NTPCR: variants seen among roughly 807,000 people sequenced by gnomAD.
The protein encoded by NTPCR is nucleoside-triphosphatase, cancer-related.
Under a neutral mutation model 19.5 loss-of-function variants are expected in NTPCR, and 15 were observed. The observed-to-expected ratio is 0.77, with a 90% CI of 0.51 to 1.18. The LOEUF (loss-of-function observed/expected upper bound fraction) is 1.18, where lower values mean the gene tolerates loss of function less well. Among genes scored for constraint, NTPCR ranks in the 50% most tolerant of loss-of-function variants. The pLI, the probability that NTPCR is intolerant of heterozygous loss-of-function variation, is 0.00. For synonymous variants in NTPCR, 90 were observed against 95.8 expected (o/e 0.94, Z 0.36); for missense variants, 206 against 240.4 (o/e 0.86, Z 0.95).
At position 232,980,540 on chromosome 1, in the gene NTPCR, G is replaced by C. The variant is rs1669255506; in HGVS notation, c.*2309G>C. On this transcript the variant is annotated 3_prime_UTR_variant, in exon 5 of 5. Transcript: ENST00000366628. ...GAACGTTTAGTGTCTCTTGTGGTGA[G>C]GTCCTGAAATGATTGTTGTATTAGT... 1 of 152,182 alleles carries C rather than the reference G, an allele frequency of 6.6e-6. No individual in the cohort carries two copies. The highest frequency in any genetic ancestry group is 1.9e-4 in the East Asian group (1 of 5,190). 9.4% of individuals were successfully genotyped at this position (152,182 alleles called of 1,614,324 possible). A position where few individuals can be genotyped will look rare whatever the true frequency, so the allele number is the denominator to read the frequency against.
At position 232,981,471 on chromosome 1, in the gene NTPCR, C is replaced by T. The variant is rs1367679252; in HGVS notation, c.*3240C>T. ...TGTAGCATAGTGACTTGGGACAAAA[C>T]AGCATGGTAGATGAGGCTGGAGACG... On this transcript the variant is annotated 3_prime_UTR_variant, in exon 5 of 5. Transcript: ENST00000366628. The T allele has an allele frequency of 6.6e-6, 1 of 152,238 alleles. No individual in the cohort carries two copies. The highest frequency in any genetic ancestry group is 2.4e-5 in the African/African-American group (1 of 41,448). 9.4% of individuals were successfully genotyped at this position (152,238 alleles called of 1,614,324 possible).
At chr1:232,955,081 G>A (rs1668474668) in intron 1 of NTPCR, among the ~76,000 whole-genome samples, 1 of 152,148 alleles carries the variant, frequency 6.6e-6, no homozygotes, top group Non-Finnish European at 1.5e-5. Context: ...AGTCAAAGGA[G>A]GAACAAAGTG....
At chr1:232,968,302 A>G (rs1668878224) in intron 3 of NTPCR, 1 of 152,248 alleles carries the variant, frequency 6.6e-6, no homozygotes, top group Non-Finnish European at 1.5e-5. Flanking sequence ...TAGCTAATAA[A>G]ATGAATGGAA....
chr1:232,975,637 G>A (rs1446816356), intron 4 of NTPCR, among the ~76,000 whole-genome samples: 1 of 152,158 alleles, frequency 6.6e-6, no homozygotes, highest in African/African-American at 2.4e-5. Context: ...CTGACCCCAT[G>A]GTGCTCACAG....
chr1:232,971,713 T>C (rs902270668), intron 4 of NTPCR, among the ~76,000 whole-genome samples: 2 of 152,154 alleles, frequency 1.3e-5, no homozygotes, highest in Non-Finnish European at 2.9e-5. Flanking sequence ...CAATTTCAGA[T>C]ACTGATAAAG....
chr1:232,974,890 G>A (rs1669084039), intron 4 of NTPCR, among the ~76,000 whole-genome samples: 1 of 152,192 alleles, frequency 6.6e-6, no homozygotes, highest in Admixed American at 6.5e-5. Flanking sequence ...TGGGGGTTAA[G>A]TTTCCAACAC....
chr1:232,956,261 G>T lies in NTPCR; in HGVS notation c.198-86G>T. The T allele has an allele frequency of 9.2e-6, 8 of 870,664 alleles. No individual in the cohort carries two copies. In the South Asian group the frequency reaches 1.1e-4, roughly 12 times the overall value. The allele number at this position is 870,664 out of a possible 1,614,324, so 53.9% of individuals were successfully genotyped here. On this transcript the variant is annotated intron_variant, in intron 2 of 4. Coordinates refer to ENST00000366628, the MANE Select transcript of NTPCR (RefSeq NM_032324.3). ...TTTTAAGGATGATTTAGCATATGTG[G>T]AATGCCAGAGGCTCAGTGGAGCAGC...
intron 3 of NTPCR, chr1:232,967,925 GT>G (rs1420565536): frequency 1.3e-5 from 2 of 152,166 alleles, no homozygotes; most frequent in Non-Finnish European, 2.9e-5. Context: ...ACAGTTGTCT[GT>G]TTTTATTATC....
In NTPCR at chr1:232,964,769, G is replaced by A. The variant is rs541303397; in HGVS notation, c.295-5140G>A. On this transcript the variant is annotated intron_variant, in intron 3 of 4. Transcript: ENST00000366628. ...AAAAGCCATCACCATTTTATTATAG[G>A]AAAAACAATCAGTTCTTTCTCCTCA... The A allele has an allele frequency of 2.6e-5, 4 of 152,182 alleles. No homozygotes were observed. The East Asian group carries it at 7.7e-4, about 29-fold the overall frequency. The allele number at this position is 152,182 out of a possible 1,614,324, so 9.4% of individuals were successfully genotyped here. A position where few individuals can be genotyped will look rare whatever the true frequency, so the allele number is the denominator to read the frequency against.
intron 3 of NTPCR, chr1:232,967,368 T>A (rs1668850381): frequency 6.6e-6 from 1 of 152,222 alleles, no homozygotes; most frequent in African/African-American, 2.4e-5. Flanking sequence ...TAATTAAAAA[T>A]CACAGATTTA....
Position 232,980,880 on chromosome 1 carries a change from T to A in NTPCR, c.*2649T>A, listed in dbSNP as rs1313019257. 3 of 152,220 alleles carry A rather than the reference T, an allele frequency of 2.0e-5. No individual in the cohort carries two copies. The highest frequency in any genetic ancestry group is 4.4e-5 in the Non-Finnish European group (3 of 68,072). The allele number at this position is 152,220 out of a possible 1,614,324, so 9.4% of individuals were successfully genotyped here. On this transcript the variant is annotated 3_prime_UTR_variant, in exon 5 of 5. Transcript: ENST00000366628. ...GGTGGGGTGGGGGCAGCAGGGCAGATTGAAGTCAGGGATTCTCTTATACCT... is the reference window on the plus strand; with the variant it reads ...GGTGGGGTGGGGGCAGCAGGGCAGAATGAAGTCAGGGATTCTCTTATACCT...
At chr1:232,975,799 C>A (rs1571969876) in intron 4 of NTPCR, among the ~76,000 whole-genome samples, 1 of 152,190 alleles carries the variant, frequency 6.6e-6, no homozygotes, top group Non-Finnish European at 1.5e-5. Context: ...TTTCTTCTTT[C>A]TGCAGTCTTC....
In NTPCR at chr1:232,983,874, A is replaced by G. The variant is rs1047013233; in HGVS notation, c.*5643A>G. Reference sequence around the variant, plus strand: ...GGTAACAGTAATGTATAAAGTGCCGATGATGTAACATGCAGTTGTCTTATT... The same window carrying G: ...GGTAACAGTAATGTATAAAGTGCCGGTGATGTAACATGCAGTTGTCTTATT... On this transcript the variant is annotated 3_prime_UTR_variant, in exon 5 of 5. Transcript: ENST00000366628. 1.3e-5 allele frequency: 2 copies of G among 155,008 alleles called. No individual in the cohort carries two copies. The highest frequency in any genetic ancestry group is 4.8e-5 in the African/African-American group (2 of 41,582). 9.6% of individuals were successfully genotyped at this position (155,008 alleles called of 1,614,324 possible).
intron 3 of NTPCR, among the ~76,000 whole-genome samples, chr1:232,961,254 T>C (rs888822722): frequency 1.3e-5 from 2 of 152,232 alleles, no homozygotes; most frequent in Non-Finnish European, 2.9e-5. Context: ...TGAATCTTTT[T>C]CTCTAGCCAT....
intron 4 of NTPCR, chr1:232,976,377 C>A (rs1304667623): frequency 9.0e-6 from 14 of 1,549,344 alleles, no homozygotes; most frequent in Non-Finnish European, 1.2e-5. Context: ...AGAGCAAATT[C>A]TCCAGCTGTG....
chr1:232,966,748 A>G (rs1668829153), intron 3 of NTPCR: 1 of 152,214 alleles, frequency 6.6e-6, no homozygotes, highest in Admixed American at 6.5e-5. Context: ...AGTGCGCTTC[A>G]TGGCTGAACA....
At position 232,982,303 on chromosome 1, in the gene NTPCR, A is replaced by T. The variant is rs976648921; in HGVS notation, c.*4072A>T. The T allele has an allele frequency of 1.3e-5, 2 of 152,024 alleles. No individual in the cohort carries two copies. Among genetic ancestry groups the T allele is most frequent in the African/African-American group, 4.8e-5 (2 of 41,416 alleles). The allele number at this position is 152,024 out of a possible 1,614,324, so 9.4% of individuals were successfully genotyped here. On this transcript the variant is annotated 3_prime_UTR_variant, in exon 5 of 5. Transcript: ENST00000366628. ...AACAGCCCCCAAGAATCCTGGGGTG[A>T]CTCCAATACTGCCACCTTTTCTCTG...
rs528048061 is a variant in NTPCR at position 232,978,781 on chromosome 1, A to C, written c.*550A>C. The C allele has an allele frequency of 7.9e-5, 12 of 152,488 alleles. No homozygotes were observed. Among genetic ancestry groups the C allele is most frequent in the African/African-American group, 2.6e-4 (11 of 41,582 alleles). 9.4% of individuals were successfully genotyped at this position (152,488 alleles called of 1,614,324 possible). ...TTACTGCTTAATAAATATAAAAATAAATCTGATGGTTACAGACAGGAGGCA... is the reference window on the plus strand; with the variant it reads ...TTACTGCTTAATAAATATAAAAATACATCTGATGGTTACAGACAGGAGGCA... On this transcript the variant is annotated 3_prime_UTR_variant, in exon 5 of 5. Transcript: ENST00000366628.
At chr1:232,976,533 A>C (rs1422227659) in intron 4 of NTPCR, 1 of 1,527,460 alleles carries the variant, frequency 6.5e-7, no homozygotes, top group Admixed American at 2.2e-5. Flanking sequence ...GAATGCAAAC[A>C]ACAGGAATGG....
Sources: gnomAD v4.1 joint callset for allele counts (sites outside exome capture counted in the v4.1 genomes callset) on GRCh38, gnomAD v4.1.1 for gene constraint, MANE v1.5 for transcripts, NCBI Gene and HGNC (gene_info 2026-07-23, HGNC 2026-07-21) for gene names.